ST8SIA1: variants seen among roughly 807,000 people sequenced by gnomAD.
ST8SIA1 encodes alpha-N-acetylneuraminide alpha-2,8-sialyltransferase.
ST8SIA1 carries 16 observed loss-of-function variants against 35.9 expected under a neutral mutation model. That is an observed-to-expected ratio of 0.45 (90% CI 0.30 to 0.68). ST8SIA1 has a LOEUF of 0.68. Ranked by LOEUF, ST8SIA1 falls within the 30% of genes least tolerant of loss-of-function variation. The pLI is 0.09. For synonymous variants in ST8SIA1, 170 were observed against 169.6 expected (o/e 1.00, Z -0.02); for missense variants, 383 against 453.6 (o/e 0.84, Z 1.41).
At chr12:22,277,920 T>A (rs1225946253) in intron 2 of ST8SIA1, among the ~76,000 whole-genome samples, 2 of 152,140 alleles carry the variant, frequency 1.3e-5, no homozygotes, top group African/African-American at 2.4e-5. Context: ...ATTGTGAGCA[T>A]GTAAAAGGTA....
chr12:22,333,024 G>A (rs1866789237), intron 1 of ST8SIA1, among the ~76,000 whole-genome samples: 1 of 152,164 alleles, frequency 6.6e-6, no homozygotes, highest in Admixed American at 6.5e-5. Context: ...CCCTCAACAT[G>A]CCTGGGGAGG....
intron 3 of ST8SIA1, among the ~76,000 whole-genome samples, chr12:22,251,465 A>C (rs1403601987): frequency 6.6e-6 from 1 of 152,208 alleles, no homozygotes; most frequent in African/African-American, 2.4e-5. Context: ...GTATTTCCAG[A>C]AAATAATGAC....
At chr12:22,229,054 C>CAAAA (rs11463657) in intron 4 of ST8SIA1, among the ~76,000 whole-genome samples, 2 of 101,906 alleles carry the variant, frequency 2.0e-5, no homozygotes, top group Admixed American at 1.1e-4. Context: ...ACTCCATCTC[C>CAAAA]AAAAAAAAAA....
intron 2 of ST8SIA1, among the ~76,000 whole-genome samples, chr12:22,277,354 C>T (rs946270028): frequency 3.3e-4 from 48 of 147,428 alleles, no homozygotes; most frequent in African/African-American, 9.7e-4. Context: ...AAGGCAAATT[C>T]ATAATAGTGA....
rs536398968 is a variant in ST8SIA1, at chr12:22,227,269, T to C, written c.584+21737A>G. On this transcript the variant is annotated intron_variant, in intron 4 of 4. Coordinates refer to ENST00000396037, the MANE Select transcript of ST8SIA1 (RefSeq NM_003034.4). ...TTTCCTCTGAGTCTTTAAGTCACATTTTCTGTGTTACAAAATGTTTTGAGG... is the reference window on the plus strand; with the variant it reads ...TTTCCTCTGAGTCTTTAAGTCACATCTTCTGTGTTACAAAATGTTTTGAGG... Among the ~76,000 whole-genome samples, 27 of 152,072 alleles carry C rather than the reference T, an allele frequency of 1.8e-4. No homozygotes were observed. The South Asian group carries it at 5.4e-3, about 30-fold the overall frequency.
intron 4 of ST8SIA1, among the ~76,000 whole-genome samples, chr12:22,209,548 A>G (rs1368430440): frequency 1.3e-5 from 2 of 152,216 alleles, no homozygotes; most frequent in Non-Finnish European, 2.9e-5. Flanking sequence ...TGGGAGTATG[A>G]ATTGCCACTG....
chr12:22,274,015 T>C (rs1386192598), intron 2 of ST8SIA1, among the ~76,000 whole-genome samples: 1 of 152,106 alleles, frequency 6.6e-6, no homozygotes, highest in African/African-American at 2.4e-5. Flanking sequence ...AAGGGATCAA[T>C]GTAAGTTAAT....
chr12:22,309,052 G>A (rs986113416), intron 1 of ST8SIA1, among the ~76,000 whole-genome samples: 4 of 152,066 alleles, frequency 2.6e-5, no homozygotes, highest in Non-Finnish European at 4.4e-5. Context: ...ACAGACCTAC[G>A]ATGGACCATC....
chr12:22,238,981 T>G (rs1450341574), intron 4 of ST8SIA1, among the ~76,000 whole-genome samples: 1 of 152,214 alleles, frequency 6.6e-6, no homozygotes, highest in Admixed American at 6.5e-5. Flanking sequence ...AGAAATAGAT[T>G]GCAGAATATA....
At chr12:22,207,301 G>T (rs1238437068) in intron 4 of ST8SIA1, among the ~76,000 whole-genome samples, 50 of 152,196 alleles carry the variant, frequency 3.3e-4, no homozygotes, top group Admixed American at 3.3e-3. Context: ...ACTGACTATT[G>T]ATTTGATTGC....
intron 2 of ST8SIA1, among the ~76,000 whole-genome samples, chr12:22,269,608 A>AT (rs766860558): frequency 3.3e-5 from 5 of 152,114 alleles, no homozygotes; most frequent in African/African-American, 7.2e-5. Context: ...GGTTATTCCC[A>AT]TTTTTTCACT....
chr12:22,323,655 C>T (rs952838089), intron 1 of ST8SIA1, among the ~76,000 whole-genome samples: 1 of 152,154 alleles, frequency 6.6e-6, no homozygotes, highest in Non-Finnish European at 1.5e-5. Flanking sequence ...TACGTATACA[C>T]CATGGAATAC....
chr12:22,333,845 G>A (rs778505369), intron 1 of ST8SIA1, 152 bp downstream of exon 1: 1 of 819,222 alleles, frequency 1.2e-6, no homozygotes, highest in South Asian at 1.3e-5. Context: ...CTCCAGGTTG[G>A]GAATGGCACA....
chr12:22,259,963 G>A (rs972828178), intron 2 of ST8SIA1, among the ~76,000 whole-genome samples: 3 of 152,024 alleles, frequency 2.0e-5, no homozygotes, highest in African/African-American at 7.2e-5. Context: ...TATTTTAACA[G>A]AGAATATTTT....
chr12:22,327,937 C>T (rs956828452), intron 1 of ST8SIA1, among the ~76,000 whole-genome samples: 1 of 152,152 alleles, frequency 6.6e-6, no homozygotes, highest in African/African-American at 2.4e-5. Flanking sequence ...TTCTTAAATC[C>T]TGTCGATAGG....
chr12:22,252,651 G>A (rs527882123), intron 3 of ST8SIA1, among the ~76,000 whole-genome samples: 3 of 151,898 alleles, frequency 2.0e-5, no homozygotes, highest in South Asian at 2.1e-4. Context: ...ACTGTGCCAG[G>A]CACTCTAATC....
intron 4 of ST8SIA1, among the ~76,000 whole-genome samples, chr12:22,232,248 A>G (rs1865429176): frequency 6.6e-6 from 1 of 152,162 alleles, no homozygotes; most frequent in Non-Finnish European, 1.5e-5. Flanking sequence ...AAGCATAAAA[A>G]CTTATTGGGA....
Position 22,260,361 on chromosome 12 carries a change from C to T in ST8SIA1, c.382-4972G>A, listed in dbSNP as rs549802616. ...ATTTTTTGTAGAGACGAGATTTCGC[C>T]GTGCTGCCCAGGCTGGTCTCAAACT... On this transcript the variant is annotated intron_variant, in intron 2 of 4. Coordinates refer to ENST00000396037, the MANE Select transcript of ST8SIA1 (RefSeq NM_003034.4). Among the ~76,000 whole-genome samples the T allele has an allele frequency of 2.0e-4, 31 of 152,174 alleles. No homozygotes were observed. The East Asian group carries it at 2.3e-3, about 11-fold the overall frequency.
chr12:22,210,447 T>G (rs1865164139), intron 4 of ST8SIA1, among the ~76,000 whole-genome samples: 1 of 152,130 alleles, frequency 6.6e-6, no homozygotes, highest in South Asian at 2.1e-4. Context: ...GTGACCTATA[T>G]GTGGGTTTTT....
Sources: gnomAD v4.1 joint callset for allele counts (sites outside exome capture counted in the v4.1 genomes callset) on GRCh38, gnomAD v4.1.1 for gene constraint, MANE v1.5 for transcripts, NCBI Gene and HGNC (gene_info 2026-07-23, HGNC 2026-07-21) for gene names.